GABRG3: variants seen among roughly 807,000 people sequenced by gnomAD.
The protein encoded by GABRG3 is gamma-aminobutyric acid type A receptor subunit gamma3, also known as gamma-aminobutyric acid receptor subunit gamma-3.
A neutral mutation model predicts 48.8 loss-of-function variants in GABRG3; 25 were observed. The ratio of observed to expected loss-of-function variants is 0.51; its 90% CI spans 0.37 to 0.72. GABRG3 has a LOEUF of 0.72. Among genes scored for constraint, GABRG3 ranks in the 30% least tolerant of loss-of-function variants. The probability of loss-of-function intolerance (pLI) is 0.00; values close to 1 mark genes in which losing one functional copy is unlikely to be tolerated. For synonymous variants in GABRG3, 227 were observed against 217.6 expected (o/e 1.04, Z -0.38); for missense variants, 394 against 577.9 (o/e 0.68, Z 3.26).
At position 27,153,156 on chromosome 15, in the gene GABRG3, T is replaced by G. The variant is rs573694310; in HGVS notation, c.270+126335T>G. 1.5e-4 allele frequency among the ~76,000 whole-genome samples: 23 copies of G among 152,352 alleles called. No homozygotes were observed. In the South Asian group the frequency reaches 2.3e-3, roughly 15 times the overall value. On this transcript the variant is annotated intron_variant, in intron 3 of 9. Coordinates refer to ENST00000615808, the MANE Select transcript of GABRG3 (RefSeq NM_033223.5). ...GATTACAGGCGTGAGCCACGGCGCC[T>G]GGCCTGAGTTAGTTTTTGTATAAGA...
At chr15:27,107,394 A>C (rs1279100444) in intron 3 of GABRG3, among the ~76,000 whole-genome samples, 1 of 152,028 alleles carries the variant, frequency 6.6e-6, no homozygotes, top group Non-Finnish European at 1.5e-5. Flanking sequence ...TACATTTGGG[A>C]AATGAAGCCT....
chr15:27,018,562 A>C (rs1357971906), intron 2 of GABRG3, among the ~76,000 whole-genome samples: 1 of 152,076 alleles, frequency 6.6e-6, no homozygotes, highest in Non-Finnish European at 1.5e-5. Context: ...CACATATTTA[A>C]AGGGTGTTTG....
intron 3 of GABRG3, among the ~76,000 whole-genome samples, chr15:27,116,665 C>T (rs1272563054): frequency 6.6e-6 from 1 of 152,128 alleles, no homozygotes; most frequent in Non-Finnish European, 1.5e-5. Flanking sequence ...ACTTAATCTC[C>T]AATGCAATAG....
chr15:27,436,738 C>T (rs1262780876), intron 5 of GABRG3, among the ~76,000 whole-genome samples: 1 of 152,104 alleles, frequency 6.6e-6, no homozygotes, highest in East Asian at 1.9e-4. Context: ...TCAGAGCAAC[C>T]AAGACCATGG....
intron 3 of GABRG3, among the ~76,000 whole-genome samples, chr15:27,027,916 A>G (rs943216417): frequency 6.6e-6 from 1 of 152,224 alleles, no homozygotes; most frequent in Non-Finnish European, 1.5e-5. Flanking sequence ...TTTGTTCCAC[A>G]ACCGTTTATT....
chr15:27,307,913 TTATA>T (rs1420616964), intron 3 of GABRG3, among the ~76,000 whole-genome samples: 3 of 138,394 alleles, frequency 2.2e-5, no homozygotes, highest in Non-Finnish European at 4.6e-5. Context: ...ATAAACATGT[TTATA>T]TATAAACATA....
rs898154056 is a variant in GABRG3, at chr15:27,089,398, C to G, written c.270+62577C>G. ...TGCAGTGTCCTCTGTGGGGAGCACA[C>G]CAGAGGCTTCTTGTCCACATTCTAA... On this transcript the variant is annotated intron_variant, in intron 3 of 9. Transcript: ENST00000615808. Among the ~76,000 whole-genome samples, 3 of 152,024 alleles carry G rather than the reference C, an allele frequency of 2.0e-5. No homozygotes were observed. The East Asian group carries it at 5.8e-4, about 29-fold the overall frequency.
intron 5 of GABRG3, among the ~76,000 whole-genome samples, chr15:27,448,227 T>G (rs116769382): frequency 1.5e-3 from 232 of 152,326 alleles, no homozygotes; most frequent in African/African-American, 5.4e-3. Flanking sequence ...AAGACGATTT[T>G]GTTATAAAGA....
intron 3 of GABRG3, among the ~76,000 whole-genome samples, chr15:27,230,146 AGT>A (rs1350850149): frequency 6.6e-6 from 1 of 151,866 alleles, no homozygotes; most frequent in Non-Finnish European, 1.5e-5. Flanking sequence ...TATTTTATTT[AGT>A]GTGTGTGTGG....
intron 2 of GABRG3, among the ~76,000 whole-genome samples, chr15:27,011,087 G>A (rs1398122830): frequency 1.3e-5 from 2 of 151,926 alleles, no homozygotes; most frequent in African/African-American, 2.4e-5. Flanking sequence ...GGCTGGTCTC[G>A]AACTCCTGAC....
intron 3 of GABRG3, among the ~76,000 whole-genome samples, chr15:27,072,566 G>A (rs1566927400): frequency 6.6e-6 from 1 of 152,176 alleles, no homozygotes; most frequent in African/African-American, 2.4e-5. Flanking sequence ...AGGGTACAAT[G>A]ACTCAAATGA....
chr15:27,225,186 C>T (rs1164495973), intron 3 of GABRG3, among the ~76,000 whole-genome samples: 1 of 152,110 alleles, frequency 6.6e-6, no homozygotes, highest in Non-Finnish European at 1.5e-5. Context: ...ATGTAGTACA[C>T]AGGCTTTTAT....
At position 27,381,822 on chromosome 15, in the gene GABRG3, G is replaced by A. The variant is rs866849679; in HGVS notation, c.574+52934G>A. ...TTTCAGCTTTTTCCCTCAGCAATAT[G>A]TCTGCTTGGATGTGGGGATGAGAGA... is the stretch of plus-strand genomic sequence containing the variant. On this transcript the variant is annotated intron_variant, in intron 5 of 9. Transcript: ENST00000615808. Among the ~76,000 whole-genome samples the A allele has an allele frequency of 3.3e-5, 5 of 152,182 alleles. No homozygotes were observed. The East Asian group carries it at 5.8e-4, about 18-fold the overall frequency.
At chr15:27,266,808 ATTTGAACTT>A in intron 3 of GABRG3, among the ~76,000 whole-genome samples, 1 of 150,278 alleles carries the variant, frequency 6.7e-6, no homozygotes, top group South Asian at 2.1e-4. Flanking sequence ...GTATTTTTTT[ATTTGAACTT>A]CTAATTGTTT....
intron 2 of GABRG3, among the ~76,000 whole-genome samples, chr15:26,993,393 G>T (rs914366388): frequency 1.3e-5 from 2 of 151,790 alleles, no homozygotes; most frequent in Non-Finnish European, 2.9e-5. Flanking sequence ...ATAGACTTTG[G>T]TATGTTGTGT....
At chr15:27,047,014 C>T (rs371348397) in intron 3 of GABRG3, among the ~76,000 whole-genome samples, 11 of 152,272 alleles carry the variant, frequency 7.2e-5, no homozygotes, top group Middle Eastern at 3.4e-3. Context: ...TGGTGAAAGA[C>T]GATGTAAGAT....
intron 3 of GABRG3, among the ~76,000 whole-genome samples, chr15:27,292,305 G>A (rs554679877): frequency 1.6e-4 from 25 of 152,012 alleles, no homozygotes; most frequent in Admixed American, 3.3e-4. Context: ...GGGAGGGATA[G>A]CATTAGGAGA....
At chr15:27,474,913 T>C (rs1889891900) in intron 5 of GABRG3, among the ~76,000 whole-genome samples, 1 of 151,980 alleles carries the variant, frequency 6.6e-6, no homozygotes. Flanking sequence ...AGGCAGATCA[T>C]GAGGTCAGGA....
chr15:27,477,444 C>T (rs936984070), intron 5 of GABRG3, among the ~76,000 whole-genome samples: 18 of 152,062 alleles, frequency 1.2e-4, no homozygotes, highest in African/African-American at 4.3e-4. Context: ...ATAGGTGGAG[C>T]ACAGGGGATT....
Sources: gnomAD v4.1 joint callset for allele counts (sites outside exome capture counted in the v4.1 genomes callset) on GRCh38, gnomAD v4.1.1 for gene constraint, MANE v1.5 for transcripts, NCBI Gene and HGNC (gene_info 2026-07-23, HGNC 2026-07-21) for gene names.